Variants in MGAT4C observed in about 807,000 individuals in gnomAD.
MGAT4C encodes MGAT4 family member C, also known as alpha-1,3-mannosyl-glycoprotein 4-beta-N-acetylglucosaminyltransferase C.
Under a neutral mutation model 40.1 loss-of-function variants are expected in MGAT4C, and 19 were observed. That is an observed-to-expected ratio of 0.47 (90% CI 0.33 to 0.70). The LOEUF (loss-of-function observed/expected upper bound fraction) is 0.70. MGAT4C is among the 30% of genes least tolerant of loss of function. The pLI is 0.02. For missense variants in MGAT4C, 491 were observed against 563.2 expected, an observed-to-expected ratio of 0.87 and a Z score of 1.30; for synonymous variants, 181 against 187.1, an observed-to-expected ratio of 0.97 and a Z score of 0.27.
chr12:86,337,648 G>A (rs988412824), intron 3 of MGAT4C, among the ~76,000 whole-genome samples: 1 of 151,522 alleles, frequency 6.6e-6, no homozygotes, highest in Non-Finnish European at 1.5e-5. Context: ...ATACAATAGC[G>A]GTGTGAGAAC....
intron 1 of MGAT4C, among the ~76,000 whole-genome samples, chr12:86,234,634 C>T (rs944848840): frequency 2.6e-5 from 4 of 152,136 alleles, no homozygotes; most frequent in African/African-American, 9.7e-5. Context: ...CAGTGCAAAG[C>T]TCTTGGCCGA....
intron 1 of MGAT4C, among the ~76,000 whole-genome samples, chr12:86,831,187 T>C (rs1255853704): frequency 6.6e-6 from 1 of 151,750 alleles, no homozygotes; most frequent in Non-Finnish European, 1.5e-5. Context: ...CTCATAAAGA[T>C]ATCCATTTTC....
At chr12:86,455,951 G>T (rs935356027) in intron 2 of MGAT4C, among the ~76,000 whole-genome samples, 1 of 151,984 alleles carries the variant, frequency 6.6e-6, no homozygotes, top group Non-Finnish European at 1.5e-5. Context: ...TACTTGAACT[G>T]ATAAATCTTC....
At chr12:86,790,750 A>G (rs2136192571) in intron 1 of MGAT4C, among the ~76,000 whole-genome samples, 1 of 152,266 alleles carries the variant, frequency 6.6e-6, no homozygotes, top group East Asian at 1.9e-4. Context: ...TTATAGACTA[A>G]TAAAATTGAA....
At chr12:86,041,888 T>G (rs1891889313) in intron 2 of MGAT4C, among the ~76,000 whole-genome samples, 1 of 152,330 alleles carries the variant, frequency 6.6e-6, no homozygotes, top group South Asian at 2.1e-4. Context: ...GCTTCGATGA[T>G]CTCCCTAATG....
At chr12:86,163,917 A>T (rs1038800878) in intron 1 of MGAT4C, among the ~76,000 whole-genome samples, 1 of 152,290 alleles carries the variant, frequency 6.6e-6, no homozygotes, top group Non-Finnish European at 1.5e-5. Flanking sequence ...TAAAAGACAT[A>T]TATGCACATA....
chr12:86,137,986 C>G (rs1266105556), intron 1 of MGAT4C, among the ~76,000 whole-genome samples: 2 of 152,124 alleles, frequency 1.3e-5, no homozygotes, highest in African/African-American at 4.8e-5. Context: ...GGGATTTTCC[C>G]AATAATCACA....
intron 2 of MGAT4C, among the ~76,000 whole-genome samples, chr12:86,458,196 A>G (rs1036064907): frequency 6.6e-6 from 1 of 152,172 alleles, no homozygotes; most frequent in Non-Finnish European, 1.5e-5. Flanking sequence ...ATAAAAAAAT[A>G]CTTAAAATCA....
intron 3 of MGAT4C, among the ~76,000 whole-genome samples, chr12:86,357,365 G>C (rs56368895): frequency 9.2e-5 from 14 of 152,198 alleles, no homozygotes; most frequent in African/African-American, 3.4e-4. Flanking sequence ...ACCACAAAAC[G>C]GGGAGAAACT....
intron 4 of MGAT4C, among the ~76,000 whole-genome samples, chr12:86,282,679 A>C (rs1053303728): frequency 6.6e-6 from 1 of 152,026 alleles, no homozygotes; most frequent in Non-Finnish European, 1.5e-5. Flanking sequence ...CCTTTAAAGT[A>C]TTAAATTTGT....
intron 1 of MGAT4C, among the ~76,000 whole-genome samples, chr12:86,175,679 C>T (rs546532066): frequency 5.3e-5 from 8 of 149,980 alleles, no homozygotes; most frequent in Non-Finnish European, 8.9e-5. Flanking sequence ...TGGCTGGGTG[C>T]GGTGGTTCAT....
chr12:86,781,942 AT>A (rs1318303910), intron 1 of MGAT4C, among the ~76,000 whole-genome samples: 2 of 142,954 alleles, frequency 1.4e-5, no homozygotes, highest in Non-Finnish European at 3.1e-5. Flanking sequence ...ACCTAACTTA[AT>A]TTTGAAAAAA....
intron 2 of MGAT4C, among the ~76,000 whole-genome samples, chr12:86,549,330 T>A (rs1005247877): frequency 6.6e-6 from 1 of 152,142 alleles, no homozygotes; most frequent in East Asian, 1.9e-4. Flanking sequence ...TGACTGCCAA[T>A]GTTTCATCAG....
At chr12:86,546,049 C>T (rs1234980596) in intron 2 of MGAT4C, among the ~76,000 whole-genome samples, 1 of 151,694 alleles carries the variant, frequency 6.6e-6, no homozygotes, top group Non-Finnish European at 1.5e-5. Flanking sequence ...TAAATAGATC[C>T]CAATGCTCAA....
Position 86,099,234 on chromosome 12 carries a change from A to AT in MGAT4C, c.-56-49512dup, listed in dbSNP as rs1263180722. Reference sequence around the variant, plus strand: ...GAAAGTGATTGCTCACCATTTTAAGATTTTTTGTCTGTCAGTGAAGATCGA... The same window carrying AT: ...GAAAGTGATTGCTCACCATTTTAAGATTTTTTTGTCTGTCAGTGAAGATCGA... On this transcript the variant is annotated intron_variant, in intron 1 of 4. Transcript: ENST00000611864. Among the ~76,000 whole-genome samples, 4 of 151,448 alleles carry AT rather than the reference A, an allele frequency of 2.6e-5. No individual in the cohort carries two copies. In the East Asian group the frequency reaches 7.7e-4, roughly 29 times the overall value.
chr12:86,031,713 T>G (rs1245775530), intron 2 of MGAT4C, among the ~76,000 whole-genome samples: 1 of 151,890 alleles, frequency 6.6e-6, no homozygotes, highest in African/African-American at 2.4e-5. Context: ...TCTCTTGAAA[T>G]CTTTGCAATT....
intron 4 of MGAT4C, among the ~76,000 whole-genome samples, chr12:86,268,032 G>A (rs752443553): frequency 2.0e-5 from 3 of 152,120 alleles, no homozygotes; most frequent in Non-Finnish European, 4.4e-5. Flanking sequence ...AGTTAGATTT[G>A]AAGTATCAAG....
intron 3 of MGAT4C, among the ~76,000 whole-genome samples, chr12:86,380,914 CT>C (rs1422365985): frequency 1.3e-5 from 2 of 152,068 alleles, no homozygotes; most frequent in African/African-American, 4.8e-5. Flanking sequence ...TTTATTTCCT[CT>C]TTTGAAAGGG....
chr12:86,469,434 T>C (rs977413835), intron 2 of MGAT4C, among the ~76,000 whole-genome samples: 2 of 152,092 alleles, frequency 1.3e-5, no homozygotes, highest in African/African-American at 4.8e-5. Context: ...CTTTCTCTCA[T>C]AAATCAAGCT....
Sources: allele counts gnomAD v4.1 joint callset (sites outside exome capture counted in the v4.1 genomes callset), GRCh38; gene constraint gnomAD v4.1.1; transcripts MANE v1.5; gene names NCBI Gene and HGNC (gene_info 2026-07-23, HGNC 2026-07-21).